The following ERGIC1 variants were observed in gnomAD, a reference collection of about 807,000 sequenced individuals.
ERGIC1 encodes endoplasmic reticulum-Golgi intermediate compartment protein 1.
ERGIC1 carries 19 observed loss-of-function variants against 38.3 expected under a neutral mutation model. The observed-to-expected ratio is 0.50, with a 90% CI of 0.35 to 0.73. The LOEUF is 0.73. Ranked by LOEUF, ERGIC1 falls within the 30% of genes least tolerant of loss-of-function variation. The pLI is 0.01. For synonymous variants in ERGIC1, 124 were observed against 157.6 expected, an observed-to-expected ratio of 0.79 and a Z score of 1.60; for missense variants, 294 against 389.2, an observed-to-expected ratio of 0.76 and a Z score of 2.06.
At chr5:172,858,238 C>T (rs1415085862) in intron 1 of ERGIC1, among the ~76,000 whole-genome samples, 3 of 152,134 alleles carry the variant, frequency 2.0e-5, no homozygotes, top group Admixed American at 6.5e-5. Flanking sequence ...ACAGGTCGGC[C>T]GGCTGAAGCG....
chr5:172,910,878 A>G (rs1407025788), intron 4 of ERGIC1, among the ~76,000 whole-genome samples: 5 of 152,198 alleles, frequency 3.3e-5, no homozygotes, highest in Non-Finnish European at 7.3e-5. Flanking sequence ...ATTTGGAGTC[A>G]GATCCTGGCT....
chr5:172,931,531 T>G (rs911409364), intron 7 of ERGIC1, among the ~76,000 whole-genome samples: 4 of 152,242 alleles, frequency 2.6e-5, no homozygotes, highest in Non-Finnish European at 5.9e-5. Context: ...TTCCCCATTC[T>G]CAGTTCATCA....
intron 6 of ERGIC1, among the ~76,000 whole-genome samples, chr5:172,925,873 T>G (rs970173997): frequency 2.0e-5 from 3 of 152,158 alleles, no homozygotes; most frequent in African/African-American, 7.2e-5. Flanking sequence ...GGTTTCCCAT[T>G]GTCCTCAGAG....
chr5:172,948,178 G>A (rs913499473), intron 9 of ERGIC1, among the ~76,000 whole-genome samples: 1 of 152,134 alleles, frequency 6.6e-6, no homozygotes, highest in Non-Finnish European at 1.5e-5. Flanking sequence ...GGGCCGCTCC[G>A]GTTTCCTGGG....
intron 9 of ERGIC1, among the ~76,000 whole-genome samples, chr5:172,939,076 A>AAAAAG (rs200602051): frequency 0.015 from 2,315 of 152,278 alleles, 57 homozygotes; most frequent in African/African-American, 0.053. Context: ...AAAAAAAAGA[A>AAAAAG]AAAAGAAATC....
At chr5:172,849,728 A>G (rs1398548017) in intron 1 of ERGIC1, among the ~76,000 whole-genome samples, 1 of 152,196 alleles carries the variant, frequency 6.6e-6, no homozygotes, top group Admixed American at 6.5e-5. Flanking sequence ...CAATGACAGC[A>G]GCTGTGGGTC....
In ERGIC1 at chr5:172,889,283, T is replaced by TA. The variant is rs772981328; in HGVS notation, c.82+532dup. Among the ~76,000 whole-genome samples the TA allele has an allele frequency of 5.2e-4, 78 of 150,678 alleles. No homozygotes were observed. In the East Asian group the frequency reaches 8.0e-3, roughly 15 times the overall value. On this transcript the variant is annotated intron_variant, in intron 2 of 9. Coordinates refer to ENST00000393784, the MANE Select transcript of ERGIC1 (RefSeq NM_001031711.3). Reference sequence around the variant, plus strand: ...TGGGCAACAAGAGCGAGACTCCATCTAAAAAAAAACAGTAGCTGCCCCTGG... The same window carrying TA: ...TGGGCAACAAGAGCGAGACTCCATCTAAAAAAAAAACAGTAGCTGCCCCTGG...
At position 172,903,850 on chromosome 5, in the gene ERGIC1, T is replaced by C. The variant is rs1674088; in HGVS notation, c.156-5817T>C. On this transcript the variant is annotated intron_variant, in intron 3 of 9. Coordinates refer to ENST00000393784, the MANE Select transcript of ERGIC1 (RefSeq NM_001031711.3). Reference sequence around the variant, plus strand: ...ATTCGAACCCTGGTAGCCTAGGCTTTGAACCCTGGTAGCCTAGGCTTCGAA... The same window carrying C: ...ATTCGAACCCTGGTAGCCTAGGCTTCGAACCCTGGTAGCCTAGGCTTCGAA... Among the ~76,000 whole-genome samples, 802 of 151,874 alleles carry C rather than the reference T, an allele frequency of 5.3e-3. 8 individuals are homozygous for C. The highest frequency in any genetic ancestry group is 5.8e-3 in the Non-Finnish European group (396 of 67,932).
At chr5:172,946,035 C>T (rs559664985) in intron 9 of ERGIC1, among the ~76,000 whole-genome samples, 4 of 152,334 alleles carry the variant, frequency 2.6e-5, no homozygotes, top group East Asian at 1.9e-4. Flanking sequence ...GGCTCTCCCA[C>T]GGCTAGAATT....
intron 1 of ERGIC1, chr5:172,866,990 G>A (rs1761882120): frequency 2.8e-6 from 1 of 352,402 alleles, no homozygotes; most frequent in Non-Finnish European, 5.7e-6. Context: ...AATGAAAGGG[G>A]ATGCAGATGG....
At position 172,941,324 on chromosome 5, in the gene ERGIC1, C is replaced by G. The variant is rs571502685; in HGVS notation, c.765+6014C>G. 4.8e-4 allele frequency among the ~76,000 whole-genome samples: 73 copies of G among 152,312 alleles called. No individual in the cohort carries two copies. The South Asian group carries it at 0.015, about 31-fold the overall frequency. ...GGAAAAAAGTGATCATATAGCTACC[C>G]TTATTAAGCACCTACTATGTGCCAA... On this transcript the variant is annotated intron_variant, in intron 9 of 9. Coordinates refer to ENST00000393784, the MANE Select transcript of ERGIC1 (RefSeq NM_001031711.3).
At chr5:172,911,336 T>C (rs1013880301) in intron 4 of ERGIC1, among the ~76,000 whole-genome samples, 2 of 152,204 alleles carry the variant, frequency 1.3e-5, no homozygotes, top group African/African-American at 4.8e-5. Context: ...ATCTGGCAGA[T>C]TCTCATTCAG....
chr5:172,907,090 G>T (rs1280380712), intron 3 of ERGIC1, among the ~76,000 whole-genome samples: 1 of 152,108 alleles, frequency 6.6e-6, no homozygotes, highest in East Asian at 1.9e-4. Flanking sequence ...CCTGCTCTAC[G>T]TGGGTTCCTA....
intron 1 of ERGIC1, among the ~76,000 whole-genome samples, chr5:172,843,645 T>C (rs1761215945): frequency 6.6e-6 from 1 of 152,254 alleles, no homozygotes; most frequent in Admixed American, 6.5e-5. Flanking sequence ...GGTCCAACCC[T>C]GGCCACCCTT....
At chr5:172,938,133 G>C (rs895503955) in intron 9 of ERGIC1, 1 of 152,230 alleles carries the variant, frequency 6.6e-6, no homozygotes, top group African/African-American at 2.4e-5. Context: ...ACAAACCCCA[G>C]GACCCAAAAA....
At chr5:172,910,520 CT>C (rs58360974) in intron 4 of ERGIC1, among the ~76,000 whole-genome samples, 127 of 139,030 alleles carry the variant, frequency 9.1e-4, no homozygotes, top group Non-Finnish European at 1.5e-3. Flanking sequence ...TGAATTACTT[CT>C]TTTTTTTTTT....
chr5:172,910,699 A>G (rs1361833299), intron 4 of ERGIC1, among the ~76,000 whole-genome samples: 1 of 151,712 alleles, frequency 6.6e-6, no homozygotes, highest in African/African-American at 2.4e-5. Flanking sequence ...TAATTTTTGT[A>G]TTTTTAGTAG....
chr5:172,893,995 A>ATCGGGGGC (rs1278146835), intron 2 of ERGIC1, among the ~76,000 whole-genome samples: 7 of 136,636 alleles, frequency 5.1e-5, no homozygotes, highest in African/African-American at 1.8e-4. Context: ...GTAACAGGGA[A>ATCGGGGGC]TCGGGGGCTG....
At position 172,950,705 on chromosome 5, in the gene ERGIC1, G is replaced by A. The variant is rs747121941; in HGVS notation, c.766-4G>A. On this transcript the variant is annotated splice_region_variant and splice_polypyrimidine_tract_variant and intron_variant, in intron 9 of 9. Coordinates refer to ENST00000393784, the MANE Select transcript of ERGIC1 (RefSeq NM_001031711.3). ...ACTCCCACCCCACCCCTGCCCTCTT[G>A]CAGATCTGTGCCATCATTGGCGGGA... The A allele has an allele frequency of 1.9e-6, 3 of 1,608,302 alleles. No homozygotes were observed. The South Asian group carries it at 3.3e-5, about 18-fold the overall frequency.
Sources: allele counts gnomAD v4.1 joint callset (sites outside exome capture counted in the v4.1 genomes callset), GRCh38; gene constraint gnomAD v4.1.1; transcripts MANE v1.5; gene names NCBI Gene and HGNC (gene_info 2026-07-23, HGNC 2026-07-21).